PCDHGA6: variants seen among roughly 807,000 people sequenced by gnomAD.
The protein encoded by PCDHGA6 is protocadherin gamma subfamily A, 6, also known as protocadherin gamma-A6.
Under a neutral mutation model 60.6 loss-of-function variants are expected in PCDHGA6, and 41 were observed. That is an observed-to-expected ratio of 0.68 (90% CI 0.53 to 0.88). The LOEUF (loss-of-function observed/expected upper bound fraction) is 0.88. PCDHGA6 is among the 40% of genes least tolerant of loss of function. The probability of loss-of-function intolerance (pLI) is 0.00; values close to 1 mark genes in which losing one functional copy is unlikely to be tolerated. For missense variants in PCDHGA6, 1,312 were observed against 1,203.0 expected (o/e 1.09, Z -1.34); for synonymous variants, 594 against 524.4 (o/e 1.13, Z -1.81).
rs779183487 is a variant in PCDHGA6, at chr5:141,430,845, C to T, written c.2424+54338C>T. ...GGGACTCTGTGGGAGACCGGATGCA[C>T]CCAGATACGCTATTCAGTTCCGGAA... On this transcript the variant is annotated intron_variant, in intron 1 of 3. Coordinates refer to ENST00000517434, the MANE Select transcript of PCDHGA6 (RefSeq NM_018919.3). 27 of 1,575,514 alleles carry T rather than the reference C, an allele frequency of 1.7e-5. No individual in the cohort carries two copies. In the African/African-American group the frequency reaches 3.7e-4, roughly 21 times the overall value.
Position 141,432,951 on chromosome 5 carries a change from G to T in PCDHGA6, c.2424+56444G>T, listed in dbSNP as rs758046420. 1.2e-6 allele frequency: 2 copies of T among 1,614,178 alleles called. No individual in the cohort carries two copies. The highest frequency in any genetic ancestry group is 4.5e-5 in the East Asian group (2 of 44,858). On this transcript the variant is annotated intron_variant, in intron 1 of 3. Coordinates refer to ENST00000517434, the MANE Select transcript of PCDHGA6 (RefSeq NM_018919.3). This position sits in a 1 kb window ranked among gnomAD's most constrained non-coding sequence, Gnocchi z 6.0. ...CGCCTGCTGCAGGCTTCAGGAGGCGGCTTGACAGGAGCGCCGGCGTCGCAC... is the reference window on the plus strand; with the variant it reads ...CGCCTGCTGCAGGCTTCAGGAGGCGTCTTGACAGGAGCGCCGGCGTCGCAC...
chr5:141,400,580 C>T (rs756569671), intron 1 of PCDHGA6: 2 of 1,610,388 alleles, frequency 1.2e-6, no homozygotes, highest in South Asian at 2.2e-5. Context: ...TCTGTATTTA[C>T]ATGAAACTAT....
In PCDHGA6 at chr5:141,486,649, C is replaced by G; in HGVS notation, c.2425-8158C>G. On this transcript the variant is annotated intron_variant, in intron 1 of 3. Transcript: ENST00000517434. This position sits in a 1 kb window ranked among gnomAD's most constrained non-coding sequence, Gnocchi z 5.0. The stretch of plus-strand genomic sequence containing the variant: ...CTGGCTTGAATGCGCTTATCTCCTA[C>G]TCACTCCTGGAGCCCAGGAATCGAG... The G allele has an allele frequency of 6.2e-7, 1 of 1,613,952 alleles. No individual in the cohort carries two copies. The highest frequency in any genetic ancestry group is 8.5e-7 in the Non-Finnish European group (1 of 1,180,034).
At chr5:141,430,906 C>A (rs764039566) in intron 1 of PCDHGA6, 2 of 1,606,932 alleles carry the variant, frequency 1.2e-6, no homozygotes, top group Non-Finnish European at 1.7e-6. Flanking sequence ...GCGACATCTC[C>A]AGGGACCTGG....
chr5:141,426,371 C>T (rs987346395), intron 1 of PCDHGA6: 4 of 217,048 alleles, frequency 1.8e-5, no homozygotes, highest in African/African-American at 9.0e-5. Context: ...TGCGGGGCAC[C>T]CTCGGAGCAG....
rs1185020546 is a variant in PCDHGA6, at chr5:141,485,472, C to A, written c.2425-9335C>A. 3 of 1,614,138 alleles carry A rather than the reference C, an allele frequency of 1.9e-6. No homozygotes were observed. Among genetic ancestry groups the A allele is most frequent in the Non-Finnish European group, 2.5e-6 (3 of 1,180,022 alleles). On this transcript the variant is annotated intron_variant, in intron 1 of 3. Transcript: ENST00000517434. The surrounding 1 kb of genome is among the most constrained non-coding windows in gnomAD (Gnocchi z 5.7). The stretch of plus-strand genomic sequence containing the variant: ...CGAGAGGCACTGTGTGGGCTCAGTG[C>A]CAGCTGCATCGTGCCCCTGGAGTTT...
intron 2 of PCDHGA6, among the ~76,000 whole-genome samples, chr5:141,498,825 C>A (rs2099786017): frequency 6.6e-6 from 1 of 151,974 alleles, no homozygotes; most frequent in Admixed American, 6.6e-5. Flanking sequence ...CCCAGCTACT[C>A]AGGAGGCTGA....
At chr5:141,410,340 T>C (rs1408707323) in intron 1 of PCDHGA6, 5 of 1,614,068 alleles carry the variant, frequency 3.1e-6, no homozygotes, top group Non-Finnish European at 2.5e-6. Context: ...GCCATTGCCT[T>C]GCGCCTGCGA....
chr5:141,482,752 T>C (rs1361016909), intron 1 of PCDHGA6, among the ~76,000 whole-genome samples: 1 of 127,096 alleles, frequency 7.9e-6, no homozygotes, highest in Non-Finnish European at 1.6e-5. Context: ...AGAGGGATTA[T>C]GGTATTTCAT....
At chr5:141,436,300 G>A (rs966232889) in intron 1 of PCDHGA6, among the ~76,000 whole-genome samples, 1 of 152,180 alleles carries the variant, frequency 6.6e-6, no homozygotes, top group African/African-American at 2.4e-5. Flanking sequence ...TTGAGAGTTA[G>A]AGCATGAATA....
intron 1 of PCDHGA6, chr5:141,388,314 G>C: frequency 6.2e-7 from 1 of 1,613,824 alleles, no homozygotes; most frequent in Non-Finnish European, 8.5e-7. Context: ...GCAAATAAGT[G>C]AGTCTGCACA....
intron 1 of PCDHGA6, chr5:141,393,714 A>G: frequency 6.2e-7 from 1 of 1,613,878 alleles, no homozygotes; most frequent in South Asian, 1.1e-5. Flanking sequence ...TACTGGGGAA[A>G]TATCAATAGC....
intron 1 of PCDHGA6, chr5:141,428,129 C>T (rs1449809875): frequency 1.2e-6 from 2 of 1,603,336 alleles, no homozygotes; most frequent in Non-Finnish European, 1.7e-6. Context: ...CCGGGCTTTT[C>T]AGCCTGGGGC....
chr5:141,379,388 A>G (rs1218956688), intron 1 of PCDHGA6: 1 of 152,228 alleles, frequency 6.6e-6, no homozygotes, highest in Non-Finnish European at 1.5e-5. Flanking sequence ...AACAATTTTA[A>G]ACAACTTGAA....
At position 141,381,826 on chromosome 5, in the gene PCDHGA6, CTTTTTTTT is replaced by C. The variant is rs770630741; in HGVS notation, c.2424+5334_2424+5341del. Among the ~76,000 whole-genome samples the C allele has an allele frequency of 3.5e-4, 26 of 74,290 alleles. 1 individual carries two copies. Among genetic ancestry groups the C allele is most frequent in the Admixed American group, 9.7e-4 (5 of 5,178 alleles). 48.7% of individuals were successfully genotyped at this position (74,290 alleles called of 152,430 possible). On this transcript the variant is annotated intron_variant, in intron 1 of 3. Transcript: ENST00000517434. Reference sequence around the variant, plus strand: ...TTTCTTTCTTTCTTTCTTTCTTCTTCTTTTTTTTTTTTTTTTTTTTTTGGCAGAGTTTT... The same window carrying C: ...TTTCTTTCTTTCTTTCTTTCTTCTTCTTTTTTTTTTTTTTGGCAGAGTTTT...
At chr5:141,423,033 C>A (rs2096701827) in intron 1 of PCDHGA6, 2 of 1,614,102 alleles carry the variant, frequency 1.2e-6, no homozygotes, top group Non-Finnish European at 1.7e-6. Flanking sequence ...CAGGCCAGAA[C>A]GCCTGGCTGT....
chr5:141,392,759 T>C, intron 1 of PCDHGA6: 1 of 1,473,194 alleles, frequency 6.8e-7, no homozygotes, highest in Non-Finnish European at 9.0e-7. Flanking sequence ...AGAAACTAAA[T>C]AAGACCCATT....
At chr5:141,394,332 A>G (rs1270394666) in intron 1 of PCDHGA6, 2 of 1,614,010 alleles carry the variant, frequency 1.2e-6, no homozygotes, top group Admixed American at 1.7e-5. Context: ...GTATATCTCC[A>G]TCAACTCTGA....
chr5:141,449,756 T>C (rs2098654563), intron 1 of PCDHGA6, among the ~76,000 whole-genome samples: 1 of 151,728 alleles, frequency 6.6e-6, no homozygotes, highest in South Asian at 2.1e-4. Flanking sequence ...TTTATGACAT[T>C]TGAGAGTAAG....
Sources: allele counts gnomAD v4.1 joint callset (sites outside exome capture counted in the v4.1 genomes callset), GRCh38; gene constraint gnomAD v4.1.1; non-coding constraint Gnocchi (gnomAD v3.1); transcripts MANE v1.5; gene names NCBI Gene and HGNC (gene_info 2026-07-23, HGNC 2026-07-21).